The following STX18 variants were observed in gnomAD, a reference collection of about 807,000 sequenced individuals.
STX18 encodes the protein syntaxin-18.
A neutral mutation model predicts 50.1 loss-of-function variants in STX18; 40 were observed. The ratio of observed to expected loss-of-function variants is 0.80; its 90% CI spans 0.62 to 1.04. The LOEUF is 1.04. Ranked by LOEUF, STX18 falls within the 50% of genes least tolerant of loss-of-function variation. The probability of loss-of-function intolerance (pLI) is 0.00; values close to 1 mark genes in which losing one functional copy is unlikely to be tolerated. For missense variants in STX18, 410 were observed against 415.8 expected (o/e 0.99, Z 0.12); for synonymous variants, 158 against 151.8 (o/e 1.04, Z -0.30).
intron 5 of STX18, among the ~76,000 whole-genome samples, chr4:4,440,790 T>A (rs2039440000): frequency 6.6e-6 from 1 of 152,242 alleles, no homozygotes; most frequent in Non-Finnish European, 1.5e-5. Context: ...TATCAATCTT[T>A]TTAATTGTTC....
At chr4:4,526,051 A>C (rs901657224) in intron 1 of STX18, among the ~76,000 whole-genome samples, 11 of 152,160 alleles carry the variant, frequency 7.2e-5, no homozygotes, top group African/African-American at 2.7e-4. Context: ...TGTGGGGTTT[A>C]ACACTGGAGG....
intron 5 of STX18, among the ~76,000 whole-genome samples, chr4:4,456,977 A>C (rs1445834463): frequency 6.6e-6 from 1 of 152,186 alleles, no homozygotes; most frequent in African/African-American, 2.4e-5. Flanking sequence ...ATGAGGGAGG[A>C]AACAGTACCT....
At chr4:4,539,810 T>C (rs1731497031) in intron 1 of STX18, among the ~76,000 whole-genome samples, 1 of 152,008 alleles carries the variant, frequency 6.6e-6, no homozygotes, top group Non-Finnish European at 1.5e-5. Flanking sequence ...CTCAAACACA[T>C]TTTCACCACT....
intron 5 of STX18, among the ~76,000 whole-genome samples, chr4:4,450,529 C>G (rs911052886): frequency 1.3e-5 from 2 of 152,276 alleles, no homozygotes; most frequent in Middle Eastern, 3.4e-3. Flanking sequence ...GTCCCGAACT[C>G]CCGGCCTCAA....
intron 5 of STX18, among the ~76,000 whole-genome samples, 193 bp from the exon 6 acceptor site, chr4:4,438,702 AG>A (rs946848493): frequency 6.6e-6 from 1 of 152,026 alleles, no homozygotes; most frequent in African/African-American, 2.4e-5. Context: ...TATTGCCTGC[AG>A]GGTAGAGATT....
chr4:4,423,283 TG>T (rs746488743), intron 9 of STX18, among the ~76,000 whole-genome samples: 5 of 152,172 alleles, frequency 3.3e-5, no homozygotes, highest in Non-Finnish European at 1.5e-5. Flanking sequence ...TGCTACCACA[TG>T]GGGTGGTCAG....
intron 1 of STX18, among the ~76,000 whole-genome samples, chr4:4,473,574 T>C (rs113658767): frequency 1.9e-3 from 287 of 152,252 alleles, no homozygotes; most frequent in African/African-American, 6.7e-3. Context: ...ATTATAGGCG[T>C]GAGCCACCGC....
At chr4:4,503,912 T>C (rs2108882174) in intron 1 of STX18, among the ~76,000 whole-genome samples, 1 of 152,286 alleles carries the variant, frequency 6.6e-6, no homozygotes, top group East Asian at 1.9e-4. Flanking sequence ...GAAAACTATA[T>C]CCTTTGCAAT....
intron 1 of STX18, among the ~76,000 whole-genome samples, chr4:4,485,752 A>G (rs1264132066): frequency 6.6e-6 from 1 of 152,082 alleles, no homozygotes; most frequent in African/African-American, 2.4e-5. Context: ...ACCTCCTACC[A>G]TTAGGTTTCT....
chr4:4,527,678 C>G (rs1730832676), intron 1 of STX18, among the ~76,000 whole-genome samples: 1 of 151,448 alleles, frequency 6.6e-6, no homozygotes. Context: ...AAAGTATGAA[C>G]TGCCACGTCA....
chr4:4,507,063 T>G, intron 1 of STX18: 1 of 511,172 alleles, frequency 2.0e-6, no homozygotes, highest in Non-Finnish European at 3.8e-6. Flanking sequence ...AAGCCAGTGC[T>G]CAGCAAGGAG....
intron 2 of STX18, among the ~76,000 whole-genome samples, chr4:4,469,741 T>C (rs1727817817): frequency 1.3e-5 from 2 of 152,156 alleles, no homozygotes; most frequent in Non-Finnish European, 2.9e-5. Flanking sequence ...CTATTTTTGG[T>C]CGTCTGGCTT....
chr4:4,458,537 G>C (rs1727201804), intron 3 of STX18, among the ~76,000 whole-genome samples: 1 of 152,132 alleles, frequency 6.6e-6, no homozygotes, highest in African/African-American at 2.4e-5. Flanking sequence ...ACAGCATCTG[G>C]CAGCTTTGAA....
Position 4,420,085 on chromosome 4 carries a change from G to A in STX18, c.957C>T (p.Phe319=), listed in dbSNP as rs987497669. Residue 319 remains phenylalanine, a synonymous_variant, in exon 11 of 11, where the codon TTC becomes TTT. Coordinates refer to ENST00000306200, the MANE Select transcript of STX18 (RefSeq NM_016930.4). The surrounding 1 kb of genome is among the most constrained non-coding windows in gnomAD (Gnocchi z 4.3). The part of the protein sequence containing the change: ...NAGFRVWILF[F]LVMCSFSLLF... The stretch of plus-strand genomic sequence containing the variant: ...GCAAGGAGAAGGAGCACATCACGAG[G>A]AAGAAGAGGATCCACACGCGGAAGC... 1.2e-6 allele frequency: 2 copies of A among 1,613,450 alleles called. No individual in the cohort carries two copies. Among genetic ancestry groups the A allele is most frequent in the African/African-American group, 2.7e-5 (2 of 74,914 alleles).
At chr4:4,488,818 A>C (rs961026481) in intron 1 of STX18, among the ~76,000 whole-genome samples, 4 of 152,208 alleles carry the variant, frequency 2.6e-5, no homozygotes, top group African/African-American at 9.6e-5. Flanking sequence ...AGGGTCTCTA[A>C]GAGCCAGGAG....
In STX18 at chr4:4,506,877, G is replaced by A. The variant is rs80082641; in HGVS notation, c.168+34920C>T. Among the ~76,000 whole-genome samples the A allele has an allele frequency of 4.5e-3, 682 of 152,218 alleles. 5 individuals are homozygous for A. Among genetic ancestry groups the A allele is most frequent in the African/African-American group, 0.016 (647 of 41,522 alleles). ...GTGATGAAGTGAGAGGATAAAATTCGAACCACAGTTGACCATGAGTAACTG... is the reference window on the plus strand; with the variant it reads ...GTGATGAAGTGAGAGGATAAAATTCAAACCACAGTTGACCATGAGTAACTG... On this transcript the variant is annotated intron_variant, in intron 1 of 10. Coordinates refer to ENST00000306200, the MANE Select transcript of STX18 (RefSeq NM_016930.4).
At chr4:4,502,874 C>T (rs1577380979) in intron 1 of STX18, among the ~76,000 whole-genome samples, 3 of 152,306 alleles carry the variant, frequency 2.0e-5, no homozygotes, top group Admixed American at 1.3e-4. Flanking sequence ...ATGCAATCTC[C>T]TCCTACTTCA....
At chr4:4,441,614 A>C (rs1726111848) in intron 5 of STX18, among the ~76,000 whole-genome samples, 1 of 152,228 alleles carries the variant, frequency 6.6e-6, no homozygotes, top group East Asian at 1.9e-4. Context: ...TTCCTGAAAG[A>C]CACAAAGGAA....
At chr4:4,477,511 C>CTG (rs1728245827) in intron 1 of STX18, among the ~76,000 whole-genome samples, 1 of 152,210 alleles carries the variant, frequency 6.6e-6, no homozygotes, top group Non-Finnish European at 1.5e-5. Context: ...CAAAAGAGCT[C>CTG]TGTGTGTGCT....
Sources: allele counts gnomAD v4.1 joint callset (sites outside exome capture counted in the v4.1 genomes callset), GRCh38; gene constraint gnomAD v4.1.1; non-coding constraint Gnocchi (gnomAD v3.1); transcripts MANE v1.5; gene names NCBI Gene and HGNC (gene_info 2026-07-23, HGNC 2026-07-21).